CCDC171: variants seen among roughly 807,000 people sequenced by gnomAD.
The protein encoded by CCDC171 is coiled-coil domain-containing protein 171.
CCDC171 carries 177 observed loss-of-function variants against 168.2 expected under a neutral mutation model. The observed-to-expected ratio is 1.05, with a 90% CI of 0.93 to 1.19. The LOEUF (loss-of-function observed/expected upper bound fraction) is 1.19. CCDC171 is among the 50% of genes most tolerant of loss of function. The pLI, the probability that CCDC171 is intolerant of heterozygous loss-of-function variation, is 0.00. For missense variants in CCDC171, 1,991 were observed against 1,539.0 expected, an observed-to-expected ratio of 1.29 and a Z score of -4.91; for synonymous variants, 687 against 540.8, an observed-to-expected ratio of 1.27 and a Z score of -3.75.
intron 11 of CCDC171, among the ~76,000 whole-genome samples, chr9:15,714,329 G>A (rs988075456): frequency 6.6e-6 from 1 of 152,138 alleles, no homozygotes; most frequent in Admixed American, 6.5e-5. Context: ...CTATAGGTCA[G>A]GTAACCACTG....
At chr9:16,073,620 A>C in the CCDC171 span, among the ~76,000 whole-genome samples, 1 of 152,202 alleles carries the variant, frequency 6.6e-6, no homozygotes, top group Admixed American at 6.5e-5. Context: ...TACATATTTA[A>C]GAATGAGGGA....
At chr9:15,569,846 C>CAA (rs1314811546) in intron 2 of CCDC171, among the ~76,000 whole-genome samples, 6 of 139,724 alleles carry the variant, frequency 4.3e-5, no homozygotes, top group Admixed American at 7.0e-5. Flanking sequence ...AACAAACAAA[C>CAA]AAAAAAAAAA....
chr9:15,903,031 G>C (rs1487446894), intron 24 of CCDC171, among the ~76,000 whole-genome samples: 1 of 152,184 alleles, frequency 6.6e-6, no homozygotes, highest in African/African-American at 2.4e-5. Context: ...CAAAGCAGCC[G>C]GGAAGCTCGA....
chr9:15,764,365 G>A (rs1487111757), intron 18 of CCDC171, among the ~76,000 whole-genome samples: 1 of 152,166 alleles, frequency 6.6e-6, no homozygotes, highest in East Asian at 1.9e-4. Context: ...AGGGTGCAGT[G>A]TTCTAAGATG....
intron 21 of CCDC171, among the ~76,000 whole-genome samples, chr9:15,797,175 T>C (rs143888873): frequency 9.8e-4 from 149 of 152,322 alleles, no homozygotes; most frequent in African/African-American, 3.5e-3. Flanking sequence ...CATTCATATA[T>C]GTTCTTTGTA....
rs562031240 is a variant in CCDC171 at position 16,012,591 on chromosome 9, G to A, written n.369-7998G>A. On this transcript the variant is annotated intron_variant and non_coding_transcript_variant, in intron 3 of 9. Transcript: ENST00000486641. ...GATAATTTTTTTTTTCAAAGAATTC[G>A]TTATGGATTGCTGGTTGTTTTTTTT... Among the ~76,000 whole-genome samples, 31 of 96,324 alleles carry A rather than the reference G, an allele frequency of 3.2e-4. No homozygotes were observed. In the South Asian group the frequency reaches 6.4e-3, roughly 20 times the overall value. The allele number at this position is 96,324 out of a possible 152,430, so 63.2% of individuals were successfully genotyped here. A position where few individuals can be genotyped will look rare whatever the true frequency, so the allele number is the denominator to read the frequency against.
chr9:15,710,415 G>A (rs1258288024), intron 11 of CCDC171, among the ~76,000 whole-genome samples: 1 of 151,854 alleles, frequency 6.6e-6, no homozygotes, highest in African/African-American at 2.4e-5. Context: ...CCACTCTCCT[G>A]CCTCAGCCTC....
intron 7 of CCDC171, among the ~76,000 whole-genome samples, chr9:15,648,736 C>T (rs2047251325): frequency 6.6e-6 from 1 of 151,910 alleles, no homozygotes; most frequent in African/African-American, 2.4e-5. Flanking sequence ...CAGTGCTCAA[C>T]AAAATAAAAG....
chr9:15,761,752 T>A (rs2135097356), intron 18 of CCDC171, among the ~76,000 whole-genome samples: 1 of 152,316 alleles, frequency 6.6e-6, no homozygotes, highest in African/African-American at 2.4e-5. Flanking sequence ...CAGCTGCTAG[T>A]CTCTATTTTG....
Position 15,784,516 on chromosome 9 carries a change from T to C in CCDC171, c.3089T>C (p.Ile1030Thr). The change falls in exon 21 of 26, where the codon ATC (isoleucine) becomes ACC (threonine). Residue 1030 changes from isoleucine to threonine, a missense_variant. Ile to Thr is a moderately conservative substitution (Grantham distance 89). Transcript: ENST00000380701. ...QLNEFKQSKLITHEKFESACE... is the reference protein window; with the variant it reads ...QLNEFKQSKLTTHEKFESACE... ...CTCTCCTCCTTTTTACAGAAATTGATCACCCATGAGAAGTTTGAAAGTGCA... is the reference window on the plus strand; with the variant it reads ...CTCTCCTCCTTTTTACAGAAATTGACCACCCATGAGAAGTTTGAAAGTGCA... 1 of 1,607,064 alleles carries C rather than the reference T, an allele frequency of 6.2e-7. No homozygotes were observed. Among genetic ancestry groups the C allele is most frequent in the Non-Finnish European group, 8.5e-7 (1 of 1,175,940 alleles).
chr9:15,836,715 T>C (rs1433558530), intron 21 of CCDC171, among the ~76,000 whole-genome samples: 1 of 152,222 alleles, frequency 6.6e-6, no homozygotes, highest in Non-Finnish European at 1.5e-5. Context: ...AATTGACATT[T>C]TGCTTCTAGT....
intron 24 of CCDC171, among the ~76,000 whole-genome samples, chr9:15,899,551 A>G (rs1280253354): frequency 1.3e-5 from 2 of 152,082 alleles, no homozygotes; most frequent in Non-Finnish European, 2.9e-5. Context: ...GTGATATCTT[A>G]CTATGGTTTT....
In CCDC171 at chr9:15,920,320, C is replaced by A; in HGVS notation, c.3651C>A (p.Ile1217=). ...MDVYQLASTR[I]MTLEKEMTSH... is the part of the protein sequence containing the mutation. ...TCTACCAGCTTGCAAGCACTAGAATCATGACATTAGAGAAGGAAATGACAT... is the reference window on the plus strand; with the variant it reads ...TCTACCAGCTTGCAAGCACTAGAATAATGACATTAGAGAAGGAAATGACAT... The change falls in exon 25 of 26, where the codon ATC becomes ATA. Residue 1217 remains isoleucine (I), a synonymous_variant. Transcript: ENST00000380701. 6.2e-7 allele frequency: 1 copy of A among 1,607,834 alleles called. No individual in the cohort carries two copies. The highest frequency in any genetic ancestry group is 8.5e-7 in the Non-Finnish European group (1 of 1,175,916).
At chr9:15,694,529 T>G (rs1253934869) in intron 10 of CCDC171, among the ~76,000 whole-genome samples, 1 of 152,054 alleles carries the variant, frequency 6.6e-6, no homozygotes, top group Non-Finnish European at 1.5e-5. Flanking sequence ...AACGAGACCC[T>G]CTCTACCATC....
chr9:15,943,415 G>T (rs771707691), intron 25 of CCDC171, among the ~76,000 whole-genome samples: 1 of 151,958 alleles, frequency 6.6e-6, no homozygotes, highest in East Asian at 1.9e-4. Context: ...TGGGAACATT[G>T]TATGTTTAAA....
intron 23 of CCDC171, among the ~76,000 whole-genome samples, chr9:15,864,450 C>G (rs191236811): frequency 6.6e-4 from 101 of 152,092 alleles, no homozygotes; most frequent in African/African-American, 2.3e-3. Flanking sequence ...CTAATGCTAT[C>G]CCTCCCCCCG....
chr9:15,615,804 G>A (rs2044038419), intron 6 of CCDC171, among the ~76,000 whole-genome samples: 1 of 150,244 alleles, frequency 6.7e-6, no homozygotes, highest in African/African-American at 2.5e-5. Context: ...CTTCAGACAG[G>A]GTCTCACTCT....
chr9:16,046,795 C>T (rs190742379), intron 1 of CCDC171, among the ~76,000 whole-genome samples: 8 of 152,266 alleles, frequency 5.3e-5, no homozygotes, highest in Admixed American at 3.9e-4. Flanking sequence ...TCCCCAGCCA[C>T]GTGGAGCTGT....
At chr9:16,106,369 C>T in the CCDC171 span, among the ~76,000 whole-genome samples, 2 of 152,144 alleles carry the variant, frequency 1.3e-5, no homozygotes, top group Admixed American at 6.5e-5. Context: ...TTTTGGACTC[C>T]GCATTTCCGT....
Sources: gnomAD v4.1 joint callset for allele counts (sites outside exome capture counted in the v4.1 genomes callset) on GRCh38, gnomAD v4.1.1 for gene constraint, MANE v1.5 for transcripts, NCBI Gene and HGNC (gene_info 2026-07-23, HGNC 2026-07-21) for gene names.